Variants in TENT4B observed in about 807,000 individuals in gnomAD.
The protein encoded by TENT4B is terminal nucleotidyltransferase 4B.
A neutral mutation model predicts 75.0 loss-of-function variants in TENT4B; 10 were observed. That is an observed-to-expected ratio of 0.13 (90% CI 0.08 to 0.23). TENT4B has a LOEUF of 0.23. Ranked by LOEUF, TENT4B falls within the 10% of genes least tolerant of loss-of-function variation. The pLI, the probability that TENT4B is intolerant of heterozygous loss-of-function variation, is 1.00. For missense variants in TENT4B, 579 were observed against 893.8 expected, an observed-to-expected ratio of 0.65 and a Z score of 4.49; for synonymous variants, 350 against 357.7, an observed-to-expected ratio of 0.98 and a Z score of 0.24.
chr16:50,184,923 C>T (rs974772395), intron 1 of TENT4B, among the ~76,000 whole-genome samples: 1 of 152,200 alleles, frequency 6.6e-6, no homozygotes, highest in Non-Finnish European at 1.5e-5. Flanking sequence ...AGGAGTATCC[C>T]CACTTTTGGT....
At chr16:50,189,133 T>C (rs570136263) in intron 1 of TENT4B, among the ~76,000 whole-genome samples, 9 of 152,322 alleles carry the variant, frequency 5.9e-5, no homozygotes, top group African/African-American at 1.9e-4. Flanking sequence ...TTCCATTGAA[T>C]ACAAACAAAA....
intron 2 of TENT4B, 68 bp downstream of exon 2, chr16:50,211,514 G>A (rs755230160): frequency 1.2e-5 from 18 of 1,445,528 alleles, no homozygotes; most frequent in Non-Finnish European, 1.6e-5. Flanking sequence ...CCTATCTGCT[G>A]GTATCTCATG....
At chr16:50,185,512 A>G (rs17214014) in intron 1 of TENT4B, among the ~76,000 whole-genome samples, 5,993 of 152,282 alleles carry the variant, frequency 0.039, 140 homozygotes, top group African/African-American at 0.046. Context: ...CCCTGTGTCA[A>G]TGGGTCATCT....
At position 50,233,992 on chromosome 16, in the gene TENT4B, T is replaced by C; in HGVS notation, c.*4664T>C. ...GTTCCACATTTTAACTTAACGTCTT[T>C]GTGGCTTCACCACTGAGCTACCTTT... On this transcript the variant is annotated 3_prime_UTR_variant, in exon 12 of 12. Transcript: ENST00000561678. 1.0e-6 allele frequency: 1 copy of C among 985,490 alleles called. No individual in the cohort carries two copies. Among genetic ancestry groups the C allele is most frequent in the East Asian group, 1.1e-4 (1 of 8,822 alleles). The allele number at this position is 985,490 out of a possible 1,614,324, so 61.0% of individuals were successfully genotyped here.
At chr16:50,220,174 A>G (rs558247748) in intron 5 of TENT4B, among the ~76,000 whole-genome samples, 13 of 151,954 alleles carry the variant, frequency 8.6e-5, no homozygotes, top group Middle Eastern at 6.8e-3. Context: ...TTTGTAGTAG[A>G]GATGTGGTTG....
chr16:50,183,862 T>C (rs2038472391), intron 1 of TENT4B, among the ~76,000 whole-genome samples: 2 of 152,148 alleles, frequency 1.3e-5, no homozygotes, highest in African/African-American at 4.8e-5. Flanking sequence ...CTGGCCAACA[T>C]GGTGAAACCC....
At chr16:50,192,945 G>A (rs894653792) in intron 1 of TENT4B, among the ~76,000 whole-genome samples, 1 of 152,162 alleles carries the variant, frequency 6.6e-6, no homozygotes, top group Non-Finnish European at 1.5e-5. Context: ...ATGGTGTTAT[G>A]TGCCTGTGGT....
intron 7 of TENT4B, among the ~76,000 whole-genome samples, chr16:50,224,161 T>C (rs941926170): frequency 3.9e-5 from 6 of 152,222 alleles, no homozygotes; most frequent in African/African-American, 1.4e-4. Flanking sequence ...TTAATAGTTC[T>C]ATGTGTTTAT....
At chr16:50,220,401 A>AACTC (rs1381922658) in intron 5 of TENT4B, among the ~76,000 whole-genome samples, 1 of 151,464 alleles carries the variant, frequency 6.6e-6, no homozygotes, top group Non-Finnish European at 1.5e-5. Flanking sequence ...GCTGTTCTTA[A>AACTC]ACTCCTGGGC....
chr16:50,182,891 C>CTTTTTTTTTTTTTTTTTT lies in TENT4B; in HGVS notation c.639-28418_639-28401dup, dbSNP rs869060811. Among the ~76,000 whole-genome samples the CTTTTTTTTTTTTTTTTTT allele has an allele frequency of 2.4e-3, 87 of 36,470 alleles. 25 individuals carry two copies. Among genetic ancestry groups the CTTTTTTTTTTTTTTTTTT allele is most frequent in the East Asian group, 5.9e-3 (5 of 850 alleles). 23.9% of individuals were successfully genotyped at this position (36,470 alleles called of 152,430 possible). A position where few individuals can be genotyped will look rare whatever the true frequency, so the allele number is the denominator to read the frequency against. On this transcript the variant is annotated intron_variant, in intron 1 of 11. Transcript: ENST00000561678. The stretch of plus-strand genomic sequence containing the variant: ...CCAAGTACAGCAAGTTTTATTTTAC[C>CTTTTTTTTTTTTTTTTTT]TTTTTTTTTTTTTTTTTTTTTTTTT...
chr16:50,207,330 C>T (rs976564172), intron 1 of TENT4B, among the ~76,000 whole-genome samples: 2 of 151,902 alleles, frequency 1.3e-5, no homozygotes, highest in East Asian at 3.9e-4. Flanking sequence ...TACAGGCGTG[C>T]ACCATCACGC....
At chr16:50,205,615 G>T in intron 1 of TENT4B, among the ~76,000 whole-genome samples, 1 of 101,542 alleles carries the variant, frequency 9.8e-6, no homozygotes, top group African/African-American at 4.4e-5. Flanking sequence ...TTTTGAGACA[G>T]AGTCTTGCTC....
rs1235576021 is a variant in TENT4B, at chr16:50,230,057, T to A, written c.*729T>A. 5.1e-6 allele frequency: 5 copies of A among 985,084 alleles called. No homozygotes were observed. The highest frequency in any genetic ancestry group is 6.0e-6 in the Non-Finnish European group (5 of 829,814). 61.0% of individuals were successfully genotyped at this position (985,084 alleles called of 1,614,324 possible). A position where few individuals can be genotyped will look rare whatever the true frequency, so the allele number is the denominator to read the frequency against. Reference sequence around the variant, plus strand: ...ACTTAATAGAACCCTTGTGTCCTGCTGCAAAAATTTTTCCTCTCTAAAGAA... The same window carrying A: ...ACTTAATAGAACCCTTGTGTCCTGCAGCAAAAATTTTTCCTCTCTAAAGAA... On this transcript the variant is annotated 3_prime_UTR_variant, in exon 12 of 12. Coordinates refer to ENST00000561678, the MANE Select transcript of TENT4B (RefSeq NM_001365324.3).
At chr16:50,174,459 C>T (rs530116985) in intron 1 of TENT4B, among the ~76,000 whole-genome samples, 1 of 152,046 alleles carries the variant, frequency 6.6e-6, no homozygotes, top group African/African-American at 2.4e-5. Flanking sequence ...AAAATTAATA[C>T]TTAATAAAAT....
chr16:50,159,375 G>A (rs2037962171), intron 1 of TENT4B, among the ~76,000 whole-genome samples: 1 of 151,740 alleles, frequency 6.6e-6, no homozygotes, highest in South Asian at 2.1e-4. Flanking sequence ...CTCCCAAGTA[G>A]CTGGGATTAC....
rs2037820805 is a variant in TENT4B at position 50,153,586 on chromosome 16, GC to G, written c.-34del. ...GGCGGCGGCGGCGGCCCTGCGGGCG[GC>G]CGGGAGGGGCGGGGGCAGCGGCCGC... On this transcript the variant is annotated 5_prime_UTR_variant, in exon 1 of 12. Coordinates refer to ENST00000561678, the MANE Select transcript of TENT4B (RefSeq NM_001365324.3). 1.0e-6 allele frequency: 1 copy of G among 978,744 alleles called. No individual in the cohort carries two copies. Among genetic ancestry groups the G allele is most frequent in the African/African-American group, 1.8e-5 (1 of 56,290 alleles). 60.6% of individuals were successfully genotyped at this position (978,744 alleles called of 1,614,324 possible). A position where few individuals can be genotyped will look rare whatever the true frequency, so the allele number is the denominator to read the frequency against.
In TENT4B at chr16:50,230,914, T is replaced by TA; in HGVS notation, c.*1586_*1587insA. The TA allele has an allele frequency of 1.0e-6, 1 of 982,218 alleles. No homozygotes were observed. The highest frequency in any genetic ancestry group is 1.2e-6 in the Non-Finnish European group (1 of 826,702). 60.8% of individuals were successfully genotyped at this position (982,218 alleles called of 1,614,324 possible). A position where few individuals can be genotyped will look rare whatever the true frequency, so the allele number is the denominator to read the frequency against. ...GCAGCCATTTCTGAGACGAGATTCT[T>TA]TTATATATATATACATATAAAGTAC... is the stretch of plus-strand genomic sequence containing the variant. On this transcript the variant is annotated 3_prime_UTR_variant, in exon 12 of 12. Coordinates refer to ENST00000561678, the MANE Select transcript of TENT4B (RefSeq NM_001365324.3).
rs536031432 is a variant in TENT4B at position 50,175,048 on chromosome 16, C to T, written c.638+20789C>T. Among the ~76,000 whole-genome samples, 9 of 152,114 alleles carry T rather than the reference C, an allele frequency of 5.9e-5. No homozygotes were observed. The South Asian group carries it at 1.2e-3, about 21-fold the overall frequency. The stretch of plus-strand genomic sequence containing the variant: ...GAGCCACCATGCCTGGCCCCTCTTA[C>T]TCTTTTCTTAGCCTCTGGTATCTAT... On this transcript the variant is annotated intron_variant, in intron 1 of 11. Coordinates refer to ENST00000561678, the MANE Select transcript of TENT4B (RefSeq NM_001365324.3).
chr16:50,211,387 C>T lies in TENT4B; in HGVS notation c.703C>T (p.Arg235Trp). ...TCCAAGACCTGAGGAGGAGAAGATG[C>T]GGATGGAGGTGGTGAACAGGATCGA... ...MSPRPEEEKM[R>W]MEVVNRIESV... is the part of the protein sequence containing the mutation. The change falls in exon 2 of 12, where the codon CGG (arginine) becomes TGG (tryptophan). Residue 235 changes from arginine to tryptophan, a missense_variant. Around this residue, in one of 7 missense-constraint regions of TENT4B, gnomAD observed 16 missense variants for 60.1 expected, o/e 0.27. Transcript: ENST00000561678. The T allele has an allele frequency of 1.2e-6, 2 of 1,607,378 alleles. No individual in the cohort carries two copies. Among genetic ancestry groups the T allele is most frequent in the African/African-American group, 1.3e-5 (1 of 74,388 alleles).
Sources: allele counts gnomAD v4.1 joint callset (sites outside exome capture counted in the v4.1 genomes callset), GRCh38; gene constraint gnomAD v4.1.1; regional missense constraint gnomAD v4.1.1; transcripts MANE v1.5; gene names NCBI Gene and HGNC (gene_info 2026-07-23, HGNC 2026-07-21).